Variants in TFEC observed in about 807,000 individuals in gnomAD.
TFEC encodes class E basic helix-loop-helix protein 34.
TFEC carries 31 observed loss-of-function variants against 41.6 expected under a neutral mutation model. The ratio of observed to expected loss-of-function variants is 0.74; its 90% CI spans 0.56 to 1.01. The LOEUF (loss-of-function observed/expected upper bound fraction) is 1.01, where lower values mean the gene tolerates loss of function less well. Among genes scored for constraint, TFEC ranks in the 50% least tolerant of loss-of-function variants. TFEC has a pLI of 0.00. For missense variants in TFEC, 402 were observed against 404.1 expected (o/e 0.99, Z 0.04); for synonymous variants, 143 against 140.6 (o/e 1.02, Z -0.12).
At chr7:116,099,297 T>C (rs1797549083) in intron 3 of TFEC, among the ~76,000 whole-genome samples, 1 of 152,240 alleles carries the variant, frequency 6.6e-6, no homozygotes, top group South Asian at 2.1e-4. Flanking sequence ...AAGATTCTAG[T>C]AATGACTGCA....
intron 1 of TFEC, among the ~76,000 whole-genome samples, chr7:116,141,503 T>C (rs1211269837): frequency 1.3e-5 from 2 of 152,226 alleles, no homozygotes; most frequent in African/African-American, 4.8e-5. Context: ...TCAGTACAAC[T>C]GGACAAAGGT....
At chr7:116,105,639 G>C (rs1370966344) in intron 3 of TFEC, among the ~76,000 whole-genome samples, 1 of 152,026 alleles carries the variant, frequency 6.6e-6, no homozygotes, top group East Asian at 1.9e-4. Context: ...GTTAGCCACA[G>C]ACTCAGCAGC....
intron 1 of TFEC, among the ~76,000 whole-genome samples, chr7:116,017,907 C>T (rs565046828): frequency 2.9e-4 from 44 of 152,208 alleles, no homozygotes; most frequent in Non-Finnish European, 4.6e-4. Flanking sequence ...ATTACCTGTC[C>T]TACTGACTAC....
In TFEC at chr7:116,111,997, A is replaced by T. The variant is rs867473814; in HGVS notation, c.-27T>A. ...TTTGTATGAAAACTGCATACCTTTT[A>T]CTTTCTGATTTTCTCTAGGGAACTA... On this transcript the variant is annotated 5_prime_UTR_variant, in exon 2 of 9. Transcript: ENST00000484212. 9 of 986,838 alleles carry T rather than the reference A, an allele frequency of 9.1e-6. No homozygotes were observed. The Middle Eastern group carries it at 2.6e-3, about 285-fold the overall frequency. 61.1% of individuals were successfully genotyped at this position (986,838 alleles called of 1,614,324 possible). A position where few individuals can be genotyped will look rare whatever the true frequency, so the allele number is the denominator to read the frequency against.
rs539887865 is a variant in TFEC, at chr7:116,006,707, A to C, written c.-72-22194T>G. ...TGTTGGAAAGTCATGACTGGCTTTG[A>C]AATATGAAGACATGAGATTTGGGAG... On this transcript the variant is annotated intron_variant, in intron 1 of 7. Transcript: ENST00000265440. 3.3e-5 allele frequency among the ~76,000 whole-genome samples: 5 copies of C among 152,236 alleles called. No homozygotes were observed. The East Asian group carries it at 9.7e-4, about 29-fold the overall frequency.
intron 3 of TFEC, among the ~76,000 whole-genome samples, chr7:116,047,746 C>T (rs754899295): frequency 1.3e-5 from 2 of 152,120 alleles, no homozygotes; most frequent in South Asian, 2.1e-4. Context: ...TGGGAGGCAC[C>T]GCCCAGTAGG....
intron 1 of TFEC, among the ~76,000 whole-genome samples, chr7:116,134,701 A>T (rs1359867456): frequency 1.3e-5 from 2 of 152,164 alleles, no homozygotes; most frequent in African/African-American, 4.8e-5. Flanking sequence ...CATTAAGTAT[A>T]TGAACCCAAA....
Position 115,940,609 on chromosome 7 carries a change from A to G in TFEC, c.986T>C (p.Val329Ala), listed in dbSNP as rs1793439694. The G allele has an allele frequency of 6.2e-7, 1 of 1,613,222 alleles. No individual in the cohort carries two copies. The highest frequency in any genetic ancestry group is 1.7e-5 in the Admixed American group (1 of 59,858). ...DPLLSATSPA[V>A]SKESSRRSSF... ...ACTTCTCCTACTGCTTTCTTTGGAA[A>G]CTGCAGGGGAAGTGGCAGATAGCAG... Residue 329 changes from valine to alanine, a missense_variant, in exon 8 of 8, where the codon GTT (valine) becomes GCT (alanine). Transcript: ENST00000265440.
Position 115,950,947 on chromosome 7 carries a change from C to A in TFEC, c.442G>T (p.Glu148Ter). ...TTAATATTATACCTTCTTCTTCTTT[C>A]AACTATTAAAGAAGAAATATTATTG... ...RQKKDNHNLI[E>*]RRRRYNINYR... Residue 148 changes from glutamate to a stop codon, truncating the protein, a stop_gained and splice_region_variant, in exon 6 of 8, where the codon GAA (glutamate) becomes TAA (stop). Transcript: ENST00000265440. LOFTEE classifies it high-confidence loss of function. The A allele has an allele frequency of 6.4e-7, 1 of 1,563,184 alleles. No individual in the cohort carries two copies. The highest frequency in any genetic ancestry group is 8.8e-7 in the Non-Finnish European group (1 of 1,140,714).
chr7:115,936,284 C>G lies in TFEC; in HGVS notation c.*4267G>C, dbSNP rs1301268644. 6.6e-6 allele frequency: 1 copy of G among 151,574 alleles called. No homozygotes were observed. The highest frequency in any genetic ancestry group is 1.5e-5 in the Non-Finnish European group (1 of 67,616). 9.4% of individuals were successfully genotyped at this position (151,574 alleles called of 1,614,324 possible). A position where few individuals can be genotyped will look rare whatever the true frequency, so the allele number is the denominator to read the frequency against. On this transcript the variant is annotated 3_prime_UTR_variant, in exon 8 of 8. Coordinates refer to ENST00000265440, the MANE Select transcript of TFEC (RefSeq NM_012252.4). The stretch of plus-strand genomic sequence containing the variant: ...ATGTATACTAAGTCAAACTGACATA[C>G]TTATCAACATATAGGGCACTGGAGG...
intron 3 of TFEC, among the ~76,000 whole-genome samples, chr7:116,083,910 AC>A (rs1467955718): frequency 6.6e-6 from 1 of 151,874 alleles, no homozygotes; most frequent in Non-Finnish European, 1.5e-5. Context: ...TTGATAATGA[AC>A]CTGAACCCAT....
intron 3 of TFEC, among the ~76,000 whole-genome samples, chr7:116,106,575 A>G (rs1797723447): frequency 6.6e-6 from 1 of 151,956 alleles, no homozygotes; most frequent in Non-Finnish European, 1.5e-5. Context: ...TTTAGTAGAG[A>G]CAGGATTTTT....
At chr7:116,080,311 TA>T (rs879801059) in intron 3 of TFEC, among the ~76,000 whole-genome samples, 7 of 151,882 alleles carry the variant, frequency 4.6e-5, no homozygotes, top group Non-Finnish European at 1.0e-4. Flanking sequence ...AACAAAAAGA[TA>T]AATAGATGGG....
At chr7:116,085,715 C>T (rs1185613043) in intron 3 of TFEC, among the ~76,000 whole-genome samples, 2 of 151,820 alleles carry the variant, frequency 1.3e-5, no homozygotes, top group Non-Finnish European at 2.9e-5. Context: ...GAAATTATTA[C>T]CTCCACTGAG....
intron 1 of TFEC, among the ~76,000 whole-genome samples, chr7:115,994,118 T>C (rs574087167): frequency 1.1e-4 from 17 of 152,304 alleles, no homozygotes; most frequent in Non-Finnish European, 1.5e-4. Context: ...GGATTCCCTA[T>C]TTAATAAATG....
intron 1 of TFEC, among the ~76,000 whole-genome samples, chr7:116,122,989 T>C (rs1367120935): frequency 6.6e-6 from 1 of 152,078 alleles, no homozygotes; most frequent in Non-Finnish European, 1.5e-5. Flanking sequence ...ATCTACATTT[T>C]TTTAACCAAT....
chr7:116,120,687 T>G (rs971094902), intron 1 of TFEC, among the ~76,000 whole-genome samples: 16 of 151,994 alleles, frequency 1.1e-4, no homozygotes, highest in Admixed American at 6.6e-5. Flanking sequence ...CTTTTGCCTG[T>G]GTTCACAGTT....
At chr7:115,976,441 A>G (rs1228697135) in intron 2 of TFEC, among the ~76,000 whole-genome samples, 1 of 152,144 alleles carries the variant, frequency 6.6e-6, no homozygotes, top group Non-Finnish European at 1.5e-5. Context: ...ATAAAAATAA[A>G]TAAGTTACTG....
At chr7:115,988,568 T>C (rs577523675) in intron 1 of TFEC, among the ~76,000 whole-genome samples, 19 of 151,436 alleles carry the variant, frequency 1.3e-4, no homozygotes, top group Non-Finnish European at 2.5e-4. Flanking sequence ...AAAAAGAATA[T>C]CTAAGAACTG....
Sources: gnomAD v4.1 joint callset for allele counts (sites outside exome capture counted in the v4.1 genomes callset) on GRCh38, gnomAD v4.1.1 for gene constraint, MANE v1.5 for transcripts, NCBI Gene and HGNC (gene_info 2026-07-23, HGNC 2026-07-21) for gene names.